Variants in FAF1 observed in about 807,000 individuals in gnomAD.
FAF1 encodes the protein FAS-associated factor 1.
FAF1 carries 25 observed loss-of-function variants against 92.5 expected under a neutral mutation model. The observed-to-expected ratio is 0.27, with a 90% CI of 0.20 to 0.38. The LOEUF is 0.38. Ranked by LOEUF, FAF1 falls within the 10% of genes least tolerant of loss-of-function variation. The pLI is 1.00. For missense variants in FAF1, 636 were observed against 793.3 expected, an observed-to-expected ratio of 0.80 and a Z score of 2.38; for synonymous variants, 234 against 273.2, an observed-to-expected ratio of 0.86 and a Z score of 1.42.
At position 50,889,974 on chromosome 1, in the gene FAF1, C is replaced by T. The variant is rs145993258; in HGVS notation, c.46-31977G>A. ...AATGTTGACAGTGGGGTGTTAAAGTCTCCTATTATTATTGTGTGGGAGTCT... is the reference window on the plus strand; with the variant it reads ...AATGTTGACAGTGGGGTGTTAAAGTTTCCTATTATTATTGTGTGGGAGTCT... On this transcript the variant is annotated intron_variant, in intron 1 of 18. Transcript: ENST00000396153. 1.5e-3 allele frequency among the ~76,000 whole-genome samples: 232 copies of T among 152,228 alleles called. 2 individuals carry two copies. Among genetic ancestry groups the T allele is most frequent in the African/African-American group, 5.5e-3 (227 of 41,526 alleles).
chr1:50,559,309 G>C (rs1035694632), intron 13 of FAF1, among the ~76,000 whole-genome samples: 3 of 151,690 alleles, frequency 2.0e-5, no homozygotes, highest in Non-Finnish European at 4.4e-5. Context: ...AAACAGTTTA[G>C]CCATCAACTA....
chr1:50,872,064 C>CAAAA (rs200142842), intron 1 of FAF1, among the ~76,000 whole-genome samples: 2 of 65,544 alleles, frequency 3.1e-5, no homozygotes, highest in African/African-American at 1.0e-4. Context: ...GACTCCATCT[C>CAAAA]AAAAAAAAAA....
intron 6 of FAF1, chr1:50,706,182 T>C (rs1657666954): frequency 3.7e-6 from 1 of 267,362 alleles, no homozygotes; most frequent in South Asian, 1.4e-4. Flanking sequence ...TCTGCATACG[T>C]ATCTCCTCCA....
chr1:50,711,587 G>A (rs199978603), intron 6 of FAF1, among the ~76,000 whole-genome samples: 4 of 150,122 alleles, frequency 2.7e-5, no homozygotes, highest in South Asian at 2.1e-4. Flanking sequence ...CTCCTGCCTC[G>A]GCCTCCCGAG....
intron 6 of FAF1, among the ~76,000 whole-genome samples, chr1:50,709,792 G>A (rs1487704202): frequency 6.6e-6 from 1 of 152,154 alleles, no homozygotes; most frequent in African/African-American, 2.4e-5. Flanking sequence ...CCTATTATCT[G>A]TAATAATACA....
intron 1 of FAF1, among the ~76,000 whole-genome samples, chr1:50,947,576 A>C (rs1645180556): frequency 6.6e-6 from 1 of 152,266 alleles, no homozygotes; most frequent in African/African-American, 2.4e-5. Flanking sequence ...TGTATGCCTT[A>C]AAATCCATTT....
chr1:50,933,616 C>T (rs1161295055), intron 1 of FAF1, among the ~76,000 whole-genome samples: 1 of 152,226 alleles, frequency 6.6e-6, no homozygotes, highest in Non-Finnish European at 1.5e-5. Context: ...CTGTTTCAAC[C>T]TCTGCCTGTT....
At chr1:50,475,067 A>G (rs895296909) in intron 18 of FAF1, among the ~76,000 whole-genome samples, 6 of 152,228 alleles carry the variant, frequency 3.9e-5, no homozygotes, top group African/African-American at 1.2e-4. Flanking sequence ...TGCATGACTC[A>G]TTCTTAGTGA....
chr1:50,733,585 A>G (rs1245669667), intron 6 of FAF1, among the ~76,000 whole-genome samples: 1 of 152,138 alleles, frequency 6.6e-6, no homozygotes, highest in Non-Finnish European at 1.5e-5. Flanking sequence ...GTCCTTATAA[A>G]AAGATGAAGG....
chr1:50,896,354 C>T (rs1644757976), intron 1 of FAF1, among the ~76,000 whole-genome samples: 1 of 152,088 alleles, frequency 6.6e-6, no homozygotes, highest in Non-Finnish European at 1.5e-5. Context: ...ACCCTATTTA[C>T]CCTGATGTGA....
intron 13 of FAF1, among the ~76,000 whole-genome samples, chr1:50,549,688 T>C (rs1233398677): frequency 6.6e-6 from 1 of 151,976 alleles, no homozygotes; most frequent in Non-Finnish European, 1.5e-5. Flanking sequence ...GACAGGAGAA[T>C]TGCTTGAACC....
At chr1:50,926,706 T>C (rs1020374737) in intron 1 of FAF1, among the ~76,000 whole-genome samples, 2 of 152,176 alleles carry the variant, frequency 1.3e-5, no homozygotes, top group Non-Finnish European at 1.5e-5. Flanking sequence ...AATTATTACA[T>C]GTAAACTAAA....
chr1:50,816,200 T>TTTCTC (rs1277302902), intron 2 of FAF1, among the ~76,000 whole-genome samples: 28 of 146,954 alleles, frequency 1.9e-4, no homozygotes, highest in African/African-American at 7.2e-4. Context: ...TTTTTTTTCC[T>TTTCTC]TTTTCTTTTT....
chr1:50,701,046 A>G (rs1657452253), intron 7 of FAF1, among the ~76,000 whole-genome samples: 1 of 152,150 alleles, frequency 6.6e-6, no homozygotes, highest in Admixed American at 6.5e-5. Context: ...AACTAATAAT[A>G]TATATGCATA....
intron 1 of FAF1, among the ~76,000 whole-genome samples, chr1:50,941,790 T>A (rs914803231): frequency 1.3e-5 from 2 of 152,218 alleles, no homozygotes; most frequent in Non-Finnish European, 2.9e-5. Context: ...CGTTCCCCCA[T>A]TGGACCCAAA....
chr1:50,575,420 T>TA (rs904331515), intron 12 of FAF1, among the ~76,000 whole-genome samples: 19 of 152,198 alleles, frequency 1.2e-4, no homozygotes, highest in Admixed American at 5.9e-4. Context: ...ATATAAACTA[T>TA]ATCAGCTTTT....
rs781526889 is a variant in FAF1, at chr1:50,519,370, A to AGGAGGGAGGGAGGGAGGGAG, written c.1494+15979_1494+15998dup. On this transcript the variant is annotated intron_variant, in intron 15 of 18. Coordinates refer to ENST00000396153, the MANE Select transcript of FAF1 (RefSeq NM_007051.3). The stretch of plus-strand genomic sequence containing the variant: ...AATGAAGGAAGGAAGGAAGGAAGGA[A>AGGAGGGAGGGAGGGAGGGAG]GGAGGGAGGGAGGGAGGGAGGGAGG... Among the ~76,000 whole-genome samples the AGGAGGGAGGGAGGGAGGGAG allele has an allele frequency of 3.0e-5, 3 of 99,572 alleles. No individual in the cohort carries two copies. The East Asian group carries it at 1.0e-3, about 34-fold the overall frequency. 65.3% of individuals were successfully genotyped at this position (99,572 alleles called of 152,430 possible).
chr1:50,502,928 T>C (rs1647010015), intron 15 of FAF1, among the ~76,000 whole-genome samples: 1 of 152,108 alleles, frequency 6.6e-6, no homozygotes, highest in Non-Finnish European at 1.5e-5. Flanking sequence ...CAAGTGATTT[T>C]TTTTTCCTGC....
intron 1 of FAF1, among the ~76,000 whole-genome samples, chr1:50,905,151 T>C (rs934130031): frequency 9.2e-5 from 14 of 152,132 alleles, no homozygotes; most frequent in African/African-American, 3.4e-4. Context: ...TTTTACTGTA[T>C]TTGCGATCGT....
Sources: allele counts gnomAD v4.1 joint callset (sites outside exome capture counted in the v4.1 genomes callset), GRCh38; gene constraint gnomAD v4.1.1; transcripts MANE v1.5; gene names NCBI Gene and HGNC (gene_info 2026-07-23, HGNC 2026-07-21).